The following PAN3 variants were observed in gnomAD, a reference collection of about 807,000 sequenced individuals.
PAN3 encodes the protein poly(A) specific ribonuclease subunit PAN3, also known as PAN2-PAN3 deadenylation complex subunit PAN3.
PAN3 carries 19 observed loss-of-function variants against 96.2 expected under a neutral mutation model. That is an observed-to-expected ratio of 0.20 (90% confidence interval 0.14 to 0.29). The LOEUF is 0.29. Among genes scored for constraint, PAN3 ranks in the 10% least tolerant of loss-of-function variants. The pLI, the probability that PAN3 is intolerant of heterozygous loss-of-function variation, is 1.00. For synonymous variants in PAN3, 433 were observed against 406.6 expected (o/e 1.06, Z -0.78); for missense variants, 882 against 1,108.1 (o/e 0.80, Z 2.90).
chr13:28,192,906 A>G (rs1014723474), intron 4 of PAN3, among the ~76,000 whole-genome samples: 2 of 152,184 alleles, frequency 1.3e-5, no homozygotes, highest in Non-Finnish European at 2.9e-5. Flanking sequence ...CATGTTTTAC[A>G]TTGCTACCAT....
chr13:28,208,170 G>A (rs1413646075), intron 5 of PAN3, among the ~76,000 whole-genome samples: 1 of 152,114 alleles, frequency 6.6e-6, no homozygotes, highest in African/African-American at 2.4e-5. Context: ...AGGATTCTTT[G>A]TTAGAAAGAA....
intron 17 of PAN3, among the ~76,000 whole-genome samples, chr13:28,284,438 T>A (rs1318549167): frequency 6.6e-6 from 1 of 152,050 alleles, no homozygotes; most frequent in Non-Finnish European, 1.5e-5. Context: ...TGTATATGTC[T>A]GTAACTGACC....
In PAN3 at chr13:28,138,719, TGGC is replaced by T. The variant is rs1245630472; in HGVS notation, c.71_73del (p.Ala24del). 6 of 1,192,450 alleles carry T rather than the reference TGGC, an allele frequency of 5.0e-6. No individual in the cohort carries two copies. Among genetic ancestry groups the T allele is most frequent in the South Asian group, 4.5e-5 (2 of 44,856 alleles). The allele number at this position is 1,192,450 out of a possible 1,614,324, so 73.9% of individuals were successfully genotyped here. On this transcript the variant is annotated inframe_deletion, in exon 1 of 19. Transcript: ENST00000380958. ...GCCGCCTCCCCTTCCTCCTCCTCGC[TGGC>T]GGCGGCGGTGGCGGTGGTGGCCCCG...
At chr13:28,138,446 A>T, upstream of PAN3, 1 of 287,252 alleles carries the variant, frequency 3.5e-6, no homozygotes, top group East Asian at 5.9e-5. Context: ...AGAGAATCCC[A>T]ACTCTCCCCC....
At chr13:28,172,046 A>G (rs536469180) in intron 1 of PAN3, among the ~76,000 whole-genome samples, 1 of 152,330 alleles carries the variant, frequency 6.6e-6, no homozygotes, top group African/African-American at 2.4e-5. Flanking sequence ...TGAACAAAAG[A>G]TGCTCCTAGT....
chr13:28,200,614 G>A (rs957752903), intron 5 of PAN3, among the ~76,000 whole-genome samples: 1 of 152,136 alleles, frequency 6.6e-6, no homozygotes, highest in Non-Finnish European at 1.5e-5. Flanking sequence ...TTTATGATAC[G>A]AAGGAGCCTG....
At chr13:28,158,709 T>C (rs926402102) in intron 1 of PAN3, among the ~76,000 whole-genome samples, 30 of 152,116 alleles carry the variant, frequency 2.0e-4, no homozygotes, top group Admixed American at 2.6e-4. Context: ...AAACCCCGTC[T>C]CTACTAAATA....
At chr13:28,190,208 G>A (rs982651665) in intron 4 of PAN3, among the ~76,000 whole-genome samples, 1 of 152,202 alleles carries the variant, frequency 6.6e-6, no homozygotes, top group East Asian at 1.9e-4. Flanking sequence ...GCCTCCCAAA[G>A]TGCTGGGATT....
intron 1 of PAN3, among the ~76,000 whole-genome samples, chr13:28,155,013 A>G (rs548423842): frequency 1.3e-5 from 2 of 148,412 alleles, no homozygotes; most frequent in South Asian, 2.1e-4. Context: ...TTTTTTTAGT[A>G]GAGACGGGGT....
chr13:28,215,755 C>T, intron 5 of PAN3: 25 of 1,473,094 alleles, frequency 1.7e-5, no homozygotes, highest in Non-Finnish European at 2.2e-5. Flanking sequence ...GAGAGCTTCT[C>T]AGACCATCCT....
At chr13:28,223,364 C>T (rs1435293629) in intron 6 of PAN3, among the ~76,000 whole-genome samples, 1 of 152,032 alleles carries the variant, frequency 6.6e-6, no homozygotes, top group Non-Finnish European at 1.5e-5. Flanking sequence ...TGAACAATAG[C>T]TACATTTCTA....
At chr13:28,171,355 TG>T (rs1199633255) in intron 1 of PAN3, among the ~76,000 whole-genome samples, 43 of 152,208 alleles carry the variant, frequency 2.8e-4, no homozygotes, top group Non-Finnish European at 4.1e-4. Flanking sequence ...TCCAATTCTC[TG>T]GTTACCACAT....
intron 4 of PAN3, among the ~76,000 whole-genome samples, chr13:28,194,136 G>A (rs1454701896): frequency 4.1e-5 from 6 of 147,598 alleles, no homozygotes; most frequent in East Asian, 2.0e-4. Flanking sequence ...CAGCCTGGGC[G>A]ATGGAGTCTC....
At chr13:28,178,010 C>G in intron 4 of PAN3, 75 bp downstream of exon 4, 1 of 1,374,828 alleles carries the variant, frequency 7.3e-7, no homozygotes, top group South Asian at 1.2e-5. Context: ...TATGTAGTGT[C>G]AATGTTTTTG....
At chr13:28,291,923 C>T (rs1448704299) in intron 18 of PAN3, among the ~76,000 whole-genome samples, 1 of 152,082 alleles carries the variant, frequency 6.6e-6, no homozygotes, top group Non-Finnish European at 1.5e-5. Flanking sequence ...AAAACCACTT[C>T]TACTTTACTT....
intron 6 of PAN3, chr13:28,239,486 T>C (rs1883446258): frequency 1.7e-6 from 1 of 589,698 alleles, no homozygotes; most frequent in African/African-American, 2.0e-5. Context: ...TTGAACTATT[T>C]TTTTGGACCC....
intron 1 of PAN3, among the ~76,000 whole-genome samples, chr13:28,142,100 T>G (rs1240879133): frequency 6.6e-6 from 1 of 152,230 alleles, no homozygotes; most frequent in African/African-American, 2.4e-5. Flanking sequence ...GATAGGCTTC[T>G]TGGTATCTCT....
chr13:28,207,567 T>C (rs1429708428), intron 5 of PAN3, among the ~76,000 whole-genome samples: 1 of 152,234 alleles, frequency 6.6e-6, no homozygotes, highest in African/African-American at 2.4e-5. Context: ...TTGGCTATTC[T>C]TTTTGAACAT....
intron 6 of PAN3, among the ~76,000 whole-genome samples, chr13:28,255,620 T>A (rs1490507102): frequency 6.6e-6 from 1 of 152,184 alleles, no homozygotes; most frequent in Admixed American, 6.6e-5. Flanking sequence ...TTGGCCTAAT[T>A]CTAAATAGTA....
Sources: allele counts gnomAD v4.1 joint callset (sites outside exome capture counted in the v4.1 genomes callset), GRCh38; gene constraint gnomAD v4.1.1; transcripts MANE v1.5; gene names NCBI Gene and HGNC (gene_info 2026-07-23, HGNC 2026-07-21).